CATSPERB: variants seen among roughly 807,000 people sequenced by gnomAD.
CATSPERB encodes the protein catsper channel auxiliary subunit beta, also known as cation channel sperm-associated auxiliary subunit beta.
In CATSPERB, 93 loss-of-function variants were observed where a neutral mutation model predicts 128.3. That is an observed-to-expected ratio of 0.72 (90% confidence interval 0.61 to 0.86). The LOEUF is 0.86. Ranked by LOEUF, CATSPERB falls within the 40% of genes least tolerant of loss-of-function variation. The pLI is 0.00. For missense variants in CATSPERB, 1,153 were observed against 1,329.5 expected, an observed-to-expected ratio of 0.87 and a Z score of 2.06; for synonymous variants, 381 against 448.8, an observed-to-expected ratio of 0.85 and a Z score of 1.91.
Position 91,693,420 on chromosome 14 carries a change from T to TAA in CATSPERB, c.674_675dup (p.Asn226LeufsTer3). On this transcript the variant is annotated frameshift_variant, in exon 8 of 27. Coordinates refer to ENST00000256343, the MANE Select transcript of CATSPERB (RefSeq NM_024764.4). LOFTEE classifies it high-confidence loss of function. ...TGGGAATAGATAGTCTGTGTCATGT[T>TAA]AAACCATGTGGTATCATAATCATGC... 6.2e-7 allele frequency: 1 copy of TAA among 1,614,116 alleles called. No homozygotes were observed. Among genetic ancestry groups the TAA allele is most frequent in the East Asian group, 2.2e-5 (1 of 44,878 alleles).
chr14:91,658,901 A>T (rs192135272), intron 15 of CATSPERB, among the ~76,000 whole-genome samples: 2 of 151,530 alleles, frequency 1.3e-5, no homozygotes, highest in Non-Finnish European at 2.9e-5. Context: ...ATAAAATGAA[A>T]GTGCAGGTCG....
intron 2 of CATSPERB, among the ~76,000 whole-genome samples, chr14:91,728,815 T>C (rs535961103): frequency 6.6e-6 from 1 of 152,140 alleles, no homozygotes; most frequent in African/African-American, 2.4e-5. Context: ...CTGACTACCA[T>C]AAAAATCCAC....
rs1895060777 is a variant in CATSPERB, at chr14:91,670,056, G to A, written c.1129-84C>T. ...TTCCTGTTACTTGCATTTTGATTAA[G>A]AGAGAGATACAATCACTAACACAAC... is the stretch of plus-strand genomic sequence containing the variant. On this transcript the variant is annotated intron_variant, in intron 13 of 26. Transcript: ENST00000256343. 2.3e-5 allele frequency: 27 copies of A among 1,187,314 alleles called. No homozygotes were observed. In the East Asian group the frequency reaches 6.4e-4, roughly 28 times the overall value. The allele number at this position is 1,187,314 out of a possible 1,614,324, so 73.5% of individuals were successfully genotyped here.
rs140619935 is a variant in CATSPERB, at chr14:91,646,658, C to G, written c.1433-7408G>C. Among the ~76,000 whole-genome samples, 231 of 152,316 alleles carry G rather than the reference C, an allele frequency of 1.5e-3. 1 individual carries two copies. Among genetic ancestry groups the G allele is most frequent in the Middle Eastern group, 6.8e-3 (2 of 294 alleles). ...TTCAGCTACACGAGCCTGAGGTTGT[C>G]TATCTCCACAATTAGATAATCTGTT... On this transcript the variant is annotated intron_variant, in intron 15 of 26. Transcript: ENST00000256343.
At position 91,608,312 on chromosome 14, in the gene CATSPERB, GT is replaced by G; in HGVS notation, c.2690del (p.Asn897ThrfsTer78). 6.2e-7 allele frequency: 1 copy of G among 1,605,808 alleles called. No homozygotes were observed. Among genetic ancestry groups the G allele is most frequent in the Non-Finnish European group, 8.5e-7 (1 of 1,173,384 alleles). ...HADPSKPIPR[N>X]MFHMSKKTGK... is the part of the protein sequence containing the mutation. ...TATTTACCTTTGACATGTGAAACAT[GT>G]TTCTTGGTATGGGTTTGCTAGGATC... On this transcript the variant is annotated frameshift_variant, in exon 22 of 27. Coordinates refer to ENST00000256343, the MANE Select transcript of CATSPERB (RefSeq NM_024764.4). LOFTEE classifies it high-confidence loss of function.
intron 2 of CATSPERB, among the ~76,000 whole-genome samples, chr14:91,727,429 T>C (rs1289350175): frequency 6.6e-6 from 1 of 152,246 alleles, no homozygotes; most frequent in Non-Finnish European, 1.5e-5. Context: ...AATTTATAAT[T>C]GAACGTTACT....
At chr14:91,606,645 G>A (rs1040408146) in intron 22 of CATSPERB, among the ~76,000 whole-genome samples, 3 of 152,186 alleles carry the variant, frequency 2.0e-5, no homozygotes, top group Admixed American at 6.5e-5. Context: ...CCCTGCACTC[G>A]ATGACGCTAT....
chr14:91,589,593 A>G lies in CATSPERB; in HGVS notation c.2897T>C (p.Leu966Ser), dbSNP rs757897627. Residue 966 changes from leucine to serine, a missense_variant, in exon 24 of 27, where the codon TTG becomes TCG. By Grantham distance (145) the Leu-to-Ser change is moderately radical. Transcript: ENST00000256343. ...CACAGTAACCAGATATGGAGATTGC[A>G]ATGGGACACGTCCATCCTCGTTGAT... The part of the protein sequence containing the change: ...EIINEDGRVP[L>S]QSPYLVTVTE... 9 of 1,614,042 alleles carry G rather than the reference A, an allele frequency of 5.6e-6. No individual in the cohort carries two copies. The South Asian group carries it at 7.7e-5, about 14-fold the overall frequency.
At chr14:91,655,443 T>C (rs1034082231) in intron 15 of CATSPERB, among the ~76,000 whole-genome samples, 2 of 151,996 alleles carry the variant, frequency 1.3e-5, no homozygotes, top group Non-Finnish European at 1.5e-5. Flanking sequence ...CAAGATAATA[T>C]AGAGAAGGAA....
Position 91,617,723 on chromosome 14 carries a change from A to C in CATSPERB, c.2274T>G (p.Leu758=). The change falls in exon 20 of 27, where the codon CTT becomes CTG. Residue 758 remains leucine, a synonymous_variant. Coordinates refer to ENST00000256343, the MANE Select transcript of CATSPERB (RefSeq NM_024764.4). The stretch of plus-strand genomic sequence containing the variant: ...CAAACACAGTCAGTAGTGGTATTTC[A>C]AGCATTCGAAAACCTATGGAAACAA... ...VIRNAKGFRM[L]EIPLLTVFVG... 1 of 1,597,548 alleles carries C rather than the reference A, an allele frequency of 6.3e-7. No homozygotes were observed. The highest frequency in any genetic ancestry group is 8.5e-7 in the Non-Finnish European group (1 of 1,174,482).
chr14:91,614,662 G>A (rs1743148), intron 20 of CATSPERB, among the ~76,000 whole-genome samples: 3,887 of 149,642 alleles, frequency 0.026, 156 homozygotes, highest in African/African-American at 0.09. Flanking sequence ...TTAGCCAGGC[G>A]TGGTGGGCCT....
At chr14:91,694,279 T>C (rs1313018594) in intron 7 of CATSPERB, among the ~76,000 whole-genome samples, 2 of 151,550 alleles carry the variant, frequency 1.3e-5, no homozygotes, top group South Asian at 2.1e-4. Flanking sequence ...ACCCTGTCTC[T>C]ACAAAAAATA....
intron 6 of CATSPERB, among the ~76,000 whole-genome samples, chr14:91,704,904 G>C (rs372479594): frequency 6.6e-6 from 1 of 152,234 alleles, no homozygotes; most frequent in East Asian, 1.9e-4. Flanking sequence ...TCCCCTTGGT[G>C]GGGGGCTGGC....
At chr14:91,613,411 G>A (rs904260369) in intron 20 of CATSPERB, among the ~76,000 whole-genome samples, 1 of 152,042 alleles carries the variant, frequency 6.6e-6, no homozygotes, top group East Asian at 1.9e-4. Context: ...GAATGAGCAC[G>A]TCTAAAAGTG....
intron 5 of CATSPERB, among the ~76,000 whole-genome samples, chr14:91,715,566 A>AG (rs1440663339): frequency 1.3e-5 from 2 of 151,676 alleles, no homozygotes; most frequent in East Asian, 3.8e-4. Context: ...AAAAAAAAAA[A>AG]AAAAAAAAGA....
chr14:91,704,433 A>T (rs1182575312), intron 7 of CATSPERB, 119 bp downstream of exon 7: 1 of 1,029,198 alleles, frequency 9.7e-7, no homozygotes, highest in African/African-American at 1.6e-5. Context: ...ATTTTTAGGT[A>T]TTTTTAGGAA....
chr14:91,624,941 T>A lies in CATSPERB; in HGVS notation c.1809A>T (p.Ser603=). ...AGGGCTCTTTCATTTCTGCAATAAC[T>A]GAGGACAAAAATCCTTTAGGAGTCG... The part of the protein sequence containing the change: ...QHTTPKGFLS[S]VIAEMKEPFG... The change falls in exon 18 of 27, where the codon TCA becomes TCT. Residue 603 remains serine, a synonymous_variant. Transcript: ENST00000256343. 6.2e-7 allele frequency: 1 copy of A among 1,612,646 alleles called. No individual in the cohort carries two copies. Among genetic ancestry groups the A allele is most frequent in the Non-Finnish European group, 8.5e-7 (1 of 1,179,580 alleles).
At chr14:91,664,259 C>CTTTTTTT (rs750623098) in intron 14 of CATSPERB, among the ~76,000 whole-genome samples, 32 of 115,690 alleles carry the variant, frequency 2.8e-4, no homozygotes, top group Non-Finnish European at 4.4e-4. Context: ...TCTTCCATGT[C>CTTTTTTT]TTTTTTTTTT....
chr14:91,714,684 C>G (rs1460193490), intron 5 of CATSPERB, among the ~76,000 whole-genome samples: 2 of 151,098 alleles, frequency 1.3e-5, no homozygotes, highest in African/African-American at 4.9e-5. Flanking sequence ...CTCAGCCTCT[C>G]GAGTAGTTGA....
Sources: allele counts gnomAD v4.1 joint callset (sites outside exome capture counted in the v4.1 genomes callset), GRCh38; gene constraint gnomAD v4.1.1; transcripts MANE v1.5; gene names NCBI Gene and HGNC (gene_info 2026-07-23, HGNC 2026-07-21).